Variants in FGF7 observed in about 807,000 individuals in gnomAD.
The protein encoded by FGF7 is FGF-7.
In FGF7, 6 loss-of-function variants were observed where a neutral mutation model predicts 20.5. The ratio of observed to expected loss-of-function variants is 0.29; its 90% CI spans 0.16 to 0.58. The LOEUF (loss-of-function observed/expected upper bound fraction) is 0.58. Among genes scored for constraint, FGF7 ranks in the 20% least tolerant of loss-of-function variants. The pLI, the probability that FGF7 is intolerant of heterozygous loss-of-function variation, is 0.90. For synonymous variants in FGF7, 64 were observed against 74.7 expected (o/e 0.86, Z 0.74); for missense variants, 144 against 228.8 (o/e 0.63, Z 2.39).
chr15:49,439,983 G>A (rs2051484791), intron 2 of FGF7, among the ~76,000 whole-genome samples: 1 of 151,728 alleles, frequency 6.6e-6, no homozygotes, highest in Non-Finnish European at 1.5e-5. Flanking sequence ...AGGATTCAAA[G>A]CGTTTATCAC....
intron 2 of FGF7, among the ~76,000 whole-genome samples, chr15:49,472,886 GA>G (rs1341796645): frequency 6.7e-6 from 1 of 150,030 alleles, no homozygotes; most frequent in African/African-American, 2.4e-5. Context: ...ACAAATAAGA[GA>G]AAGGAGTATC....
At chr15:49,446,629 A>T (rs2052244764) in intron 2 of FGF7, among the ~76,000 whole-genome samples, 1 of 151,542 alleles carries the variant, frequency 6.6e-6, no homozygotes, top group African/African-American at 2.4e-5. Flanking sequence ...TGTGAAAAAA[A>T]GGTGCAGATG....
intron 2 of FGF7, among the ~76,000 whole-genome samples, chr15:49,429,942 G>A (rs1224915035): frequency 6.6e-6 from 1 of 151,950 alleles, no homozygotes; most frequent in Non-Finnish European, 1.5e-5. Flanking sequence ...TGGAGAACAA[G>A]AATTCTAATT....
chr15:49,430,627 C>T (rs2050524715), intron 2 of FGF7, among the ~76,000 whole-genome samples: 1 of 151,708 alleles, frequency 6.6e-6, no homozygotes, highest in South Asian at 2.1e-4. Flanking sequence ...CTAGCAAGGG[C>T]CTGCTTGCTG....
chr15:49,485,673 C>T lies in FGF7; in HGVS notation c.*1169C>T, dbSNP rs931784888. 18 of 152,470 alleles carry T rather than the reference C, an allele frequency of 1.2e-4. No homozygotes were observed. The South Asian group carries it at 1.7e-3, about 14-fold the overall frequency. 9.4% of individuals were successfully genotyped at this position (152,470 alleles called of 1,614,324 possible). A position where few individuals can be genotyped will look rare whatever the true frequency, so the allele number is the denominator to read the frequency against. The stretch of plus-strand genomic sequence containing the variant: ...CAATGCTTACAATAGATGTCTCACA[C>T]AGAACAATACAAATATGTAAAAAAT... On this transcript the variant is annotated 3_prime_UTR_variant, in exon 4 of 4. Coordinates refer to ENST00000267843, the MANE Select transcript of FGF7 (RefSeq NM_002009.4).
chr15:49,467,295 AT>A (rs2054353726), intron 2 of FGF7, among the ~76,000 whole-genome samples: 1 of 151,890 alleles, frequency 6.6e-6, no homozygotes, highest in Non-Finnish European at 1.5e-5. Flanking sequence ...TTTTCTGACC[AT>A]TTTCCCCCTT....
intron 2 of FGF7, among the ~76,000 whole-genome samples, chr15:49,449,237 T>C (rs1013097375): frequency 5.9e-5 from 9 of 152,014 alleles, no homozygotes; most frequent in African/African-American, 1.9e-4. Flanking sequence ...GGGCTCCTAG[T>C]ATTTATTGCT....
At chr15:49,443,083 A>T (rs1180893402) in intron 2 of FGF7, among the ~76,000 whole-genome samples, 1 of 151,760 alleles carries the variant, frequency 6.6e-6, no homozygotes, top group Admixed American at 6.6e-5. Context: ...ATTAGTTATA[A>T]GTAGGGTGAC....
chr15:49,469,514 T>C (rs1415267655), intron 2 of FGF7, among the ~76,000 whole-genome samples: 3 of 151,992 alleles, frequency 2.0e-5, no homozygotes, highest in Non-Finnish European at 4.4e-5. Flanking sequence ...TTTCTTAGAG[T>C]CAGAACAAGA....
rs1230858223 is a variant in FGF7, at chr15:49,431,429, T to C, written c.286+6846T>C. Among the ~76,000 whole-genome samples, 4 of 151,922 alleles carry C rather than the reference T, an allele frequency of 2.6e-5. No individual in the cohort carries two copies. In the East Asian group the frequency reaches 7.8e-4, roughly 30 times the overall value. Reference sequence around the variant, plus strand: ...GTGTATGAAAGGGTTTGTGTAGTAATATGTAAAGACAAAGTGATTAAGATG... The same window carrying C: ...GTGTATGAAAGGGTTTGTGTAGTAACATGTAAAGACAAAGTGATTAAGATG... On this transcript the variant is annotated intron_variant, in intron 2 of 3. Transcript: ENST00000267843.
At chr15:49,483,873 C>T (rs1228306547) in intron 3 of FGF7, among the ~76,000 whole-genome samples, 3 of 151,976 alleles carry the variant, frequency 2.0e-5, no homozygotes, top group Non-Finnish European at 2.9e-5. Flanking sequence ...TCTTCCATTA[C>T]CATTGAAGAC....
At position 49,487,289 on chromosome 15, in the gene FGF7, A is replaced by G. The variant is rs970500044; in HGVS notation, c.*2785A>G. The stretch of plus-strand genomic sequence containing the variant: ...GTAAGCCTTTTAAAAATGTTCTTTG[A>G]AAGATAAAATTAAATACATGAGTTT... On this transcript the variant is annotated 3_prime_UTR_variant, in exon 4 of 4. Transcript: ENST00000267843. 1.3e-5 allele frequency: 2 copies of G among 151,930 alleles called. No individual in the cohort carries two copies. Among genetic ancestry groups the G allele is most frequent in the African/African-American group, 2.4e-5 (1 of 41,414 alleles). 9.4% of individuals were successfully genotyped at this position (151,930 alleles called of 1,614,324 possible).
intron 3 of FGF7, 129 bp downstream of exon 3, chr15:49,483,383 CTT>C: frequency 3.4e-6 from 2 of 582,604 alleles, no homozygotes; most frequent in Non-Finnish European, 6.1e-6. Context: ...TATTAAAACA[CTT>C]TATACTCAAA....
chr15:49,468,531 G>C (rs2054466403), intron 2 of FGF7, among the ~76,000 whole-genome samples: 1 of 152,136 alleles, frequency 6.6e-6, no homozygotes, highest in African/African-American at 2.4e-5. Flanking sequence ...GACAAGATTA[G>C]TATTATCAAC....
chr15:49,462,086 T>G (rs1232896605), intron 2 of FGF7, among the ~76,000 whole-genome samples: 2 of 152,080 alleles, frequency 1.3e-5, no homozygotes, highest in African/African-American at 4.8e-5. Flanking sequence ...GCCACTGTAC[T>G]CCAGCCTGGG....
chr15:49,461,308 C>T (rs985839650), intron 2 of FGF7, among the ~76,000 whole-genome samples: 1 of 152,092 alleles, frequency 6.6e-6, no homozygotes, highest in African/African-American at 2.4e-5. Flanking sequence ...TTTGTATTCC[C>T]TGTAAAAATC....
chr15:49,471,266 A>AC (rs1198039189), intron 2 of FGF7, among the ~76,000 whole-genome samples: 1 of 25,800 alleles, frequency 3.9e-5, no homozygotes, highest in East Asian at 1.5e-3. Context: ...TGGGTGGATC[A>AC]CCTAGGTCAG....
At position 49,427,910 on chromosome 15, in the gene FGF7, T is replaced by A. The variant is rs556578659; in HGVS notation, c.286+3327T>A. On this transcript the variant is annotated intron_variant, in intron 2 of 3. Coordinates refer to ENST00000267843, the MANE Select transcript of FGF7 (RefSeq NM_002009.4). ...CATGTCTCATAACTTTAGGGAATTT[T>A]AAAAAATTACTTAAGCTATCCTGGA... Among the ~76,000 whole-genome samples, 5 of 152,168 alleles carry A rather than the reference T, an allele frequency of 3.3e-5. No homozygotes were observed. In the East Asian group the frequency reaches 9.7e-4, roughly 30 times the overall value.
intron 2 of FGF7, chr15:49,425,599 G>A (rs974445411): frequency 8.6e-5 from 13 of 151,900 alleles, no homozygotes; most frequent in African/African-American, 3.1e-4. Context: ...GTAAACATGT[G>A]CAAATCACAG....
Sources: gnomAD v4.1 joint callset for allele counts (sites outside exome capture counted in the v4.1 genomes callset) on GRCh38, gnomAD v4.1.1 for gene constraint, MANE v1.5 for transcripts, NCBI Gene and HGNC (gene_info 2026-07-23, HGNC 2026-07-21) for gene names.